STXBP4: variants seen among roughly 807,000 people sequenced by gnomAD.
STXBP4 encodes syntaxin binding protein 4.
Under a neutral mutation model 76.1 loss-of-function variants are expected in STXBP4, and 55 were observed. The observed-to-expected ratio is 0.72, with a 90% CI of 0.58 to 0.91. The LOEUF is 0.91. STXBP4 is among the 40% of genes least tolerant of loss of function. The pLI is 0.00. For missense variants in STXBP4, 618 were observed against 636.9 expected, an observed-to-expected ratio of 0.97 and a Z score of 0.32; for synonymous variants, 201 against 220.2, an observed-to-expected ratio of 0.91 and a Z score of 0.77.
At chr17:54,997,502 A>G (rs1198132467) in intron 4 of STXBP4, among the ~76,000 whole-genome samples, 1 of 146,580 alleles carries the variant, frequency 6.8e-6, no homozygotes, top group Non-Finnish European at 1.5e-5. Context: ...ATATTTACAT[A>G]AAATCAAAAA....
At chr17:55,035,485 T>TA (rs1273688675) in intron 10 of STXBP4, among the ~76,000 whole-genome samples, 1 of 151,896 alleles carries the variant, frequency 6.6e-6, no homozygotes, top group Non-Finnish European at 1.5e-5. Flanking sequence ...TGATAACACA[T>TA]AATTGTATGC....
At chr17:55,020,987 G>A (rs749318415) in intron 8 of STXBP4, among the ~76,000 whole-genome samples, 7 of 151,748 alleles carry the variant, frequency 4.6e-5, no homozygotes, top group Admixed American at 3.3e-4. Context: ...TGATTTTTCC[G>A]GCTATAAAAC....
At chr17:55,127,264 G>A (rs2079922693) in intron 16 of STXBP4, among the ~76,000 whole-genome samples, 1 of 152,094 alleles carries the variant, frequency 6.6e-6, no homozygotes, top group Admixed American at 6.5e-5. Flanking sequence ...CTCAGTGTAG[G>A]GCTTTTGAGA....
rs114932150 is a variant in STXBP4 at position 54,990,915 on chromosome 17, G to A, written c.138G>A (p.Leu46=). 156 of 1,603,200 alleles carry A rather than the reference G, an allele frequency of 9.7e-5. No homozygotes were observed. The African/African-American group carries it at 1.2e-3, about 12-fold the overall frequency. The change falls in exon 4 of 18, where the codon TTG becomes TTA. Residue 46 remains leucine (L), a synonymous_variant. Coordinates refer to ENST00000376352, the MANE Select transcript of STXBP4 (RefSeq NM_178509.6). ...GAATTAACCGGAATGAAGGCCCATTGGTATATATTCAGGAAATTATTCCTG... is the reference window on the plus strand; with the variant it reads ...GAATTAACCGGAATGAAGGCCCATTAGTATATATTCAGGAAATTATTCCTG... ...LGGINRNEGP[L]VYIQEIIPGG... is the part of the protein sequence containing the mutation.
At chr17:55,002,108 C>G (rs1349364028) in intron 7 of STXBP4, among the ~76,000 whole-genome samples, 1 of 152,138 alleles carries the variant, frequency 6.6e-6, no homozygotes, top group African/African-American at 2.4e-5. Flanking sequence ...TAATTAATTT[C>G]CAGTCTCTGC....
chr17:54,981,210 T>A (rs1284081489), intron 1 of STXBP4, among the ~76,000 whole-genome samples: 1 of 152,128 alleles, frequency 6.6e-6, no homozygotes, highest in African/African-American at 2.4e-5. Context: ...ACAAATAGCA[T>A]TGTTTTGTTT....
intron 7 of STXBP4, among the ~76,000 whole-genome samples, chr17:55,001,887 C>T (rs1027488230): frequency 6.6e-6 from 1 of 152,180 alleles, no homozygotes; most frequent in African/African-American, 2.4e-5. Flanking sequence ...CTGCCTTGGC[C>T]TCCCAAAGTG....
At chr17:55,183,294 TAAGAC>T in the STXBP4 span, among the ~76,000 whole-genome samples, 1 of 151,934 alleles carries the variant, frequency 6.6e-6, no homozygotes, top group Non-Finnish European at 1.5e-5. Context: ...TAACATAAAA[TAAGAC>T]AAGAGGCTAG....
At chr17:55,071,997 A>T (rs1467537129) in intron 12 of STXBP4, among the ~76,000 whole-genome samples, 1 of 152,128 alleles carries the variant, frequency 6.6e-6, no homozygotes. Flanking sequence ...ACCAAGGTAC[A>T]TTTTTTTCCC....
At chr17:55,078,001 C>A in intron 13 of STXBP4, 77 bp from the exon 14 acceptor site, 2 of 862,610 alleles carry the variant, frequency 2.3e-6, no homozygotes, top group Non-Finnish European at 3.6e-6. Flanking sequence ...AATATTAGTT[C>A]ATAAAAACTG....
At chr17:55,031,459 A>C (rs1893716116) in intron 9 of STXBP4, among the ~76,000 whole-genome samples, 195 bp downstream of exon 9, 1 of 152,118 alleles carries the variant, frequency 6.6e-6, no homozygotes, top group African/African-American at 2.4e-5. Context: ...AGAAAGAAGA[A>C]TTTCATTAGG....
intron 12 of STXBP4, among the ~76,000 whole-genome samples, chr17:55,069,179 A>G (rs2144856618): frequency 6.6e-6 from 1 of 150,974 alleles, no homozygotes; most frequent in East Asian, 1.9e-4. Flanking sequence ...AAAATAAGCT[A>G]GAGATTTTAC....
chr17:55,179,389 A>C, the STXBP4 span, among the ~76,000 whole-genome samples: 2 of 152,200 alleles, frequency 1.3e-5, no homozygotes, highest in East Asian at 3.8e-4. Context: ...GAGTATAGGT[A>C]ACCAAGCAAA....
chr17:55,012,716 G>A (rs1274725225), intron 8 of STXBP4, among the ~76,000 whole-genome samples: 2 of 152,162 alleles, frequency 1.3e-5, no homozygotes, highest in Non-Finnish European at 2.9e-5. Flanking sequence ...AGTTCCTGGA[G>A]TGAGGGGATT....
chr17:55,087,274 G>C (rs1375524887), intron 16 of STXBP4, among the ~76,000 whole-genome samples: 2 of 152,080 alleles, frequency 1.3e-5, no homozygotes, highest in Admixed American at 6.6e-5. Context: ...TCTTTAGTTT[G>C]ATATAATCTC....
intron 16 of STXBP4, among the ~76,000 whole-genome samples, chr17:55,102,632 G>T (rs765281377): frequency 6.6e-6 from 1 of 152,096 alleles, no homozygotes; most frequent in Admixed American, 6.5e-5. Flanking sequence ...AATCCTTTGG[G>T]TATATACGCA....
intron 16 of STXBP4, among the ~76,000 whole-genome samples, chr17:55,114,008 AT>A (rs1327893717): frequency 6.6e-6 from 1 of 152,048 alleles, no homozygotes; most frequent in Non-Finnish European, 1.5e-5. Flanking sequence ...AGAACAACTG[AT>A]TTTTTATAAG....
intron 10 of STXBP4, 101 bp from the exon 11 acceptor site, chr17:55,043,135 T>A: frequency 6.2e-6 from 3 of 484,934 alleles, no homozygotes; most frequent in Non-Finnish European, 1.0e-5. Flanking sequence ...ATTTTGTTAT[T>A]AGAATACAGA....
At chr17:55,102,675 G>A (rs1460232816) in intron 16 of STXBP4, among the ~76,000 whole-genome samples, 1 of 152,004 alleles carries the variant, frequency 6.6e-6, no homozygotes, top group African/African-American at 2.4e-5. Context: ...TGATATTTCT[G>A]GTTCTAGATC....
Sources: allele counts gnomAD v4.1 joint callset (sites outside exome capture counted in the v4.1 genomes callset), GRCh38; gene constraint gnomAD v4.1.1; transcripts MANE v1.5; gene names NCBI Gene and HGNC (gene_info 2026-07-23, HGNC 2026-07-21).